ARIH1: variants seen among roughly 807,000 people sequenced by gnomAD.
The protein encoded by ARIH1 is E3 ubiquitin-protein ligase ARIH1.
ARIH1 carries 8 observed loss-of-function variants against 85.0 expected under a neutral mutation model. That is an observed-to-expected ratio of 0.09 (90% CI 0.06 to 0.17). ARIH1 has a LOEUF of 0.17. ARIH1 is among the 10% of genes least tolerant of loss of function. ARIH1 has a pLI of 1.00. For synonymous variants in ARIH1, 238 were observed against 253.6 expected (o/e 0.94, Z 0.59); for missense variants, 311 against 718.1 (o/e 0.43, Z 6.48).
At chr15:72,552,779 T>G (rs1466961812) in intron 3 of ARIH1, among the ~76,000 whole-genome samples, 1 of 142,432 alleles carries the variant, frequency 7.0e-6, no homozygotes, top group Non-Finnish European at 1.5e-5. Context: ...GGAGGCCTGT[T>G]TTTTTTTTTT....
chr15:72,557,587 A>C (rs933027633), intron 5 of ARIH1, among the ~76,000 whole-genome samples: 2 of 152,136 alleles, frequency 1.3e-5, no homozygotes, highest in Non-Finnish European at 2.9e-5. Flanking sequence ...CTTTTGTTGC[A>C]GTTGCGTTTG....
intron 1 of ARIH1, among the ~76,000 whole-genome samples, chr15:72,481,459 C>T (rs1284389628): frequency 6.6e-6 from 1 of 152,108 alleles, no homozygotes; most frequent in African/African-American, 2.4e-5. Flanking sequence ...CCTGTAATCC[C>T]AGCACTTTGG....
At chr15:72,581,964 T>C (rs1285678018) in intron 12 of ARIH1, 111 bp from the exon 13 acceptor site, 2 of 664,314 alleles carry the variant, frequency 3.0e-6, no homozygotes, top group African/African-American at 3.6e-5. Flanking sequence ...AAACCACCTA[T>C]GAAAGTTACA....
At chr15:72,524,577 A>G (rs980719503) in intron 2 of ARIH1, among the ~76,000 whole-genome samples, 2 of 152,236 alleles carry the variant, frequency 1.3e-5, no homozygotes, top group Admixed American at 6.5e-5. Context: ...AAGAAGAAGT[A>G]GAAAAATAGA....
chr15:72,486,633 C>G (rs1305718662), intron 1 of ARIH1, among the ~76,000 whole-genome samples: 2 of 145,642 alleles, frequency 1.4e-5, no homozygotes, highest in Non-Finnish European at 3.0e-5. Flanking sequence ...TCTCTAACAT[C>G]TGCTCTGGCA....
intron 1 of ARIH1, among the ~76,000 whole-genome samples, chr15:72,496,599 A>G (rs994129157): frequency 6.6e-6 from 1 of 152,228 alleles, no homozygotes; most frequent in African/African-American, 2.4e-5. Flanking sequence ...AATCAAGAAT[A>G]GCTTATTTGG....
At chr15:72,576,960 A>G (rs1375481129) in intron 11 of ARIH1, among the ~76,000 whole-genome samples, 2 of 151,584 alleles carry the variant, frequency 1.3e-5, no homozygotes, top group Non-Finnish European at 2.9e-5. Flanking sequence ...TGTATGTTAC[A>G]TGTTTTATTA....
At chr15:72,503,133 A>G (rs2063910517) in intron 1 of ARIH1, among the ~76,000 whole-genome samples, 1 of 152,204 alleles carries the variant, frequency 6.6e-6, no homozygotes, top group South Asian at 2.1e-4. Flanking sequence ...ACTATTTTGC[A>G]TTTAGGGTTC....
intron 2 of ARIH1, among the ~76,000 whole-genome samples, chr15:72,540,130 C>T (rs775793105): frequency 2.2e-4 from 33 of 151,642 alleles, no homozygotes; most frequent in Non-Finnish European, 3.1e-4. Context: ...TGGTGGCAGG[C>T]GCCTGTAGTC....
chr15:72,510,773 C>CG (rs2063947527), intron 1 of ARIH1, among the ~76,000 whole-genome samples: 1 of 71,768 alleles, frequency 1.4e-5, no homozygotes, highest in Non-Finnish European at 3.2e-5. Flanking sequence ...AAAAAAAAGA[C>CG]TTTTTCCCCG....
At chr15:72,571,935 A>G (rs1268873570) in intron 10 of ARIH1, among the ~76,000 whole-genome samples, 173 bp from the exon 11 acceptor site, 7 of 152,158 alleles carry the variant, frequency 4.6e-5, no homozygotes, top group Non-Finnish European at 1.0e-4. Context: ...CAGCCTGCTA[A>G]TTCTGTCATT....
chr15:72,488,020 CCTTTT>C (rs1047609664), intron 1 of ARIH1, among the ~76,000 whole-genome samples: 29 of 151,954 alleles, frequency 1.9e-4, no homozygotes, highest in African/African-American at 6.3e-4. Flanking sequence ...TCTTTTGATA[CCTTTT>C]CTTTTCTTTC....
intron 8 of ARIH1, 140 bp downstream of exon 8, chr15:72,566,745 G>A (rs1276640898): frequency 1.4e-6 from 1 of 732,062 alleles, no homozygotes. Flanking sequence ...ATCATTACAT[G>A]TATTCAGAGG....
chr15:72,475,282 GGGCAATTTCTGCCA>G lies in ARIH1; in HGVS notation c.375+270_375+283del, dbSNP rs145716528. 964 of 593,092 alleles carry G rather than the reference GGGCAATTTCTGCCA, an allele frequency of 1.6e-3. 13 individuals are homozygous for G. The African/African-American group carries it at 0.018, about 11-fold the overall frequency. The allele number at this position is 593,092 out of a possible 1,614,324, so 36.7% of individuals were successfully genotyped here. A position where few individuals can be genotyped will look rare whatever the true frequency, so the allele number is the denominator to read the frequency against. ...TTCGGTCGCCTAAGCCTTCTCTTGC[GGGCAATTTCTGCCA>G]GTCCCTGGGCCGGGTGTCCTTTCTC... On this transcript the variant is annotated intron_variant, in intron 1 of 13. Coordinates refer to ENST00000379887, the MANE Select transcript of ARIH1 (RefSeq NM_005744.5).
chr15:72,551,259 G>A (rs568455024), intron 3 of ARIH1, among the ~76,000 whole-genome samples: 1 of 152,258 alleles, frequency 6.6e-6, no homozygotes, highest in East Asian at 1.9e-4. Context: ...ATAAAAGAAT[G>A]ACTTGAATAT....
chr15:72,583,951 G>A lies in ARIH1; in HGVS notation c.*659G>A, dbSNP rs1247658097. 6.6e-6 allele frequency: 1 copy of A among 152,210 alleles called. No individual in the cohort carries two copies. Among genetic ancestry groups the A allele is most frequent in the Non-Finnish European group, 1.5e-5 (1 of 68,036 alleles). 9.4% of individuals were successfully genotyped at this position (152,210 alleles called of 1,614,324 possible). A position where few individuals can be genotyped will look rare whatever the true frequency, so the allele number is the denominator to read the frequency against. On this transcript the variant is annotated 3_prime_UTR_variant, in exon 14 of 14. Coordinates refer to ENST00000379887, the MANE Select transcript of ARIH1 (RefSeq NM_005744.5). ...TGCATGGACAAAGCAAGCGTGGCAC[G>A]TGTTTGCATAATGTTTAATTACAAA...
rs189496445 is a variant in ARIH1 at position 72,571,903 on chromosome 15, A to G, written c.1158-205A>G. 3.0e-4 allele frequency among the ~76,000 whole-genome samples: 45 copies of G among 152,338 alleles called. No individual in the cohort carries two copies. In the East Asian group the frequency reaches 7.7e-3, roughly 26 times the overall value. On this transcript the variant is annotated intron_variant, in intron 10 of 13. Transcript: ENST00000379887. ...ATTATAGAGAGAATTCAAACACTAG[A>G]TAGGGTTAGAACAGTTCCTTTCAGC...
At chr15:72,500,280 A>G (rs188036043) in intron 1 of ARIH1, among the ~76,000 whole-genome samples, 5 of 152,248 alleles carry the variant, frequency 3.3e-5, no homozygotes. Flanking sequence ...TTTTTAATAG[A>G]GACGGGGTTT....
At position 72,597,065 on chromosome 15, in the gene ARIH1, G is replaced by A. The variant is rs2064366120; in HGVS notation, c.*13773G>A. On this transcript the variant is annotated 3_prime_UTR_variant, in exon 14 of 14. Coordinates refer to ENST00000379887, the MANE Select transcript of ARIH1 (RefSeq NM_005744.5). The stretch of plus-strand genomic sequence containing the variant: ...CCCTTACCATGAATCTTATTTTCTT[G>A]CTTTTGCACGTCTTGTATATTTGAT... 1 of 150,658 alleles carries A rather than the reference G, an allele frequency of 6.6e-6. No homozygotes were observed. Among genetic ancestry groups the A allele is most frequent in the African/African-American group, 2.4e-5 (1 of 40,898 alleles). 9.3% of individuals were successfully genotyped at this position (150,658 alleles called of 1,614,324 possible). A position where few individuals can be genotyped will look rare whatever the true frequency, so the allele number is the denominator to read the frequency against.
Sources: allele counts gnomAD v4.1 joint callset (sites outside exome capture counted in the v4.1 genomes callset), GRCh38; gene constraint gnomAD v4.1.1; transcripts MANE v1.5; gene names NCBI Gene and HGNC (gene_info 2026-07-23, HGNC 2026-07-21).